The following DYNC2H1 variants were observed in gnomAD, a reference collection of about 807,000 sequenced individuals.
DYNC2H1 encodes cytoplasmic dynein 2 heavy chain 1.
Under a neutral mutation model 570.0 loss-of-function variants are expected in DYNC2H1, and 410 were observed. That is an observed-to-expected ratio of 0.72 (90% CI 0.66 to 0.78). DYNC2H1 has a LOEUF of 0.78. DYNC2H1 is among the 30% of genes least tolerant of loss of function. DYNC2H1 has a pLI of 0.00. For missense variants in DYNC2H1, 4,865 were observed against 5,046.4 expected (o/e 0.96, Z 1.09); for synonymous variants, 1,688 against 1,677.6 (o/e 1.01, Z -0.15).
At chr11:103,246,095 G>A (rs1193231717) in intron 65 of DYNC2H1, among the ~76,000 whole-genome samples, 1 of 152,030 alleles carries the variant, frequency 6.6e-6, no homozygotes, top group Non-Finnish European at 1.5e-5. Context: ...TGGTTGATAT[G>A]TTATGAGAAC....
At chr11:103,354,005 T>C (rs1940188506) in intron 82 of DYNC2H1, among the ~76,000 whole-genome samples, 1 of 151,714 alleles carries the variant, frequency 6.6e-6, no homozygotes, top group South Asian at 2.1e-4. Context: ...GAGGAAACTC[T>C]GTTCCTATTA....
At chr11:103,159,656 G>A (rs954620885) in intron 28 of DYNC2H1, among the ~76,000 whole-genome samples, 1 of 152,058 alleles carries the variant, frequency 6.6e-6, no homozygotes, top group Admixed American at 6.5e-5. Flanking sequence ...CCAAAATAAT[G>A]ACTATTATTT....
intron 54 of DYNC2H1, among the ~76,000 whole-genome samples, chr11:103,215,494 ATTTG>A (rs1378474881): frequency 6.6e-6 from 1 of 152,172 alleles, no homozygotes; most frequent in Non-Finnish European, 1.5e-5. Context: ...ATGCTTTAAA[ATTTG>A]TTTTTCTTTA....
intron 70 of DYNC2H1, among the ~76,000 whole-genome samples, chr11:103,272,306 A>C (rs1290880880): frequency 2.0e-5 from 3 of 152,184 alleles, no homozygotes; most frequent in African/African-American, 7.2e-5. Context: ...CATCATTCTG[A>C]GCAAACTATC....
At chr11:103,247,603 A>G (rs1864666907) in intron 65 of DYNC2H1, among the ~76,000 whole-genome samples, 1 of 152,102 alleles carries the variant, frequency 6.6e-6, no homozygotes, top group African/African-American at 2.4e-5. Flanking sequence ...TAAAATGGAC[A>G]GGACAACTAC....
chr11:103,365,379 G>T (rs1486012420), intron 83 of DYNC2H1, among the ~76,000 whole-genome samples: 2 of 150,360 alleles, frequency 1.3e-5, no homozygotes, highest in Non-Finnish European at 3.0e-5. Context: ...AAAAAAAAGT[G>T]TATTGGCCTT....
intron 84 of DYNC2H1, among the ~76,000 whole-genome samples, chr11:103,426,237 A>G (rs533633): frequency 0.55 from 84,293 of 151,984 alleles, 24,004 homozygotes; most frequent in East Asian, 0.7. Flanking sequence ...AATGCTTATC[A>G]CTGGCTTGCT....
At position 103,288,684 on chromosome 11, in the gene DYNC2H1, T is replaced by TAAAAAAAAAAAAAAGAAAAA. The variant is rs1866450594; in HGVS notation, c.11095+1093_11095+1094insGAAAAAAAAAAAAAAAAAAA. On this transcript the variant is annotated intron_variant, in intron 75 of 88. Transcript: ENST00000375735. The stretch of plus-strand genomic sequence containing the variant: ...CTACATGGTGAAACCCCGTCTCTAC[T>TAAAAAAAAAAAAAAGAAAAA]AAAAAAAAAAAAAAAAAAAAAAAAA... Among the ~76,000 whole-genome samples the TAAAAAAAAAAAAAAGAAAAA allele has an allele frequency of 2.5e-4, 7 of 27,914 alleles. 1 individual carries two copies. Among genetic ancestry groups the TAAAAAAAAAAAAAAGAAAAA allele is most frequent in the Admixed American group, 1.3e-3 (2 of 1,552 alleles). 18.3% of individuals were successfully genotyped at this position (27,914 alleles called of 152,430 possible).
intron 28 of DYNC2H1, among the ~76,000 whole-genome samples, chr11:103,160,253 A>G (rs962294214): frequency 1.4e-4 from 21 of 152,054 alleles, no homozygotes; most frequent in African/African-American, 3.6e-4. Context: ...CAAGTTTTTT[A>G]TATACTATAA....
In DYNC2H1 at chr11:103,256,618, G is replaced by T. The variant is rs1296327111; in HGVS notation, c.10461+378G>T. ...CAAGTTAAATATACTAATTAAAAGGGTTATAAGCTCTAAGGTACAGTTATT... is the reference window on the plus strand; with the variant it reads ...CAAGTTAAATATACTAATTAAAAGGTTTATAAGCTCTAAGGTACAGTTATT... On this transcript the variant is annotated intron_variant, in intron 68 of 88. Coordinates refer to ENST00000375735, the MANE Select transcript of DYNC2H1 (RefSeq NM_001377.3). This position sits in a 1 kb window ranked among gnomAD's most constrained non-coding sequence, Gnocchi z 4.0. 6.6e-6 allele frequency among the ~76,000 whole-genome samples: 1 copy of T among 152,080 alleles called. No individual in the cohort carries two copies. The highest frequency in any genetic ancestry group is 1.5e-5 in the Non-Finnish European group (1 of 68,000).
rs1860317242 is a variant in DYNC2H1, at chr11:103,147,812, G to A, written c.2743G>A (p.Val915Met). The A allele has an allele frequency of 2.5e-6, 4 of 1,611,372 alleles. No homozygotes were observed. The highest frequency in any genetic ancestry group is 1.3e-5 in the African/African-American group (1 of 74,830). ...VDCLNINCNP[V>M]KTVIDDLIQK... ...TTGTTTAAATATTAATTGCAACCCT[G>A]TGAAGACTGTGATTGATGATCTCAT... The change falls in exon 19 of 89, where the codon GTG (valine) becomes ATG (methionine). Residue 915 changes from valine (V) to methionine (M), a missense_variant. Physicochemically the swap from Val to Met is conservative, Grantham distance 21 (BLOSUM62 1). Transcript: ENST00000375735.
rs1350556554 is a variant in DYNC2H1, at chr11:103,209,121, C to T, written c.8455-755C>T. Among the ~76,000 whole-genome samples, 1 of 149,784 alleles carries T rather than the reference C, an allele frequency of 6.7e-6. No homozygotes were observed. The highest frequency in any genetic ancestry group is 1.5e-5 in the Non-Finnish European group (1 of 67,670). Reference sequence around the variant, plus strand: ...TTTTGGCTTACATTTTTTTTTCAGTCTGAGAAATTTAAAAAATGATTTTTT... The same window carrying T: ...TTTTGGCTTACATTTTTTTTTCAGTTTGAGAAATTTAAAAAATGATTTTTT... On this transcript the variant is annotated intron_variant, in intron 52 of 88. Transcript: ENST00000375735. This position sits in a 1 kb window ranked among gnomAD's most constrained non-coding sequence, Gnocchi z 4.2.
intron 85 of DYNC2H1, among the ~76,000 whole-genome samples, chr11:103,438,577 T>C (rs1004200082): frequency 5.9e-5 from 9 of 152,176 alleles, no homozygotes; most frequent in African/African-American, 2.2e-4. Context: ...TCTTGCATTT[T>C]GAGGCATAGT....
At chr11:103,279,663 A>AT (rs34614947) in intron 70 of DYNC2H1, among the ~76,000 whole-genome samples, 61,019 of 151,792 alleles carry the variant, frequency 0.4, 12,541 homozygotes, top group African/African-American at 0.47. Context: ...ATTCTATGTG[A>AT]TTGGTGTCTT....
intron 12 of DYNC2H1, among the ~76,000 whole-genome samples, chr11:103,127,886 T>C (rs1042267574): frequency 3.9e-5 from 6 of 152,202 alleles, no homozygotes; most frequent in South Asian, 2.1e-4. Flanking sequence ...TAGGCAGTGA[T>C]AGTGATAAAT....
chr11:103,131,203 G>T (rs1859247913), intron 13 of DYNC2H1, among the ~76,000 whole-genome samples: 1 of 152,146 alleles, frequency 6.6e-6, no homozygotes, highest in African/African-American at 2.4e-5. Context: ...TTCAGATGGT[G>T]TTATAATTTT....
chr11:103,233,556 TGA>T (rs1198633316), intron 60 of DYNC2H1, among the ~76,000 whole-genome samples: 1 of 151,548 alleles, frequency 6.6e-6, no homozygotes, highest in Non-Finnish European at 1.5e-5. Flanking sequence ...GGCTGTGGGG[TGA>T]GGAAGGGTGT....
intron 83 of DYNC2H1, among the ~76,000 whole-genome samples, chr11:103,375,117 G>T (rs888812027): frequency 6.6e-6 from 1 of 152,194 alleles, no homozygotes; most frequent in African/African-American, 2.4e-5. Flanking sequence ...AGGGGTCAAG[G>T]TACAGCTCAG....
intron 84 of DYNC2H1, among the ~76,000 whole-genome samples, chr11:103,428,015 T>A (rs1306188655): frequency 6.6e-6 from 1 of 151,430 alleles, no homozygotes; most frequent in African/African-American, 2.4e-5. Context: ...TATATATATA[T>A]AATTCAGTCT....
Sources: gnomAD v4.1 joint callset for allele counts (sites outside exome capture counted in the v4.1 genomes callset) on GRCh38, gnomAD v4.1.1 for gene constraint, Gnocchi (gnomAD v3.1) non-coding constraint, MANE v1.5 for transcripts, NCBI Gene and HGNC (gene_info 2026-07-23, HGNC 2026-07-21) for gene names.